The following SRGAP3 variants were observed in gnomAD, a reference collection of about 807,000 sequenced individuals.
The protein encoded by SRGAP3 is SLIT-ROBO Rho GTPase-activating protein 3.
SRGAP3 carries 39 observed loss-of-function variants against 121.1 expected under a neutral mutation model. The observed-to-expected ratio is 0.32, with a 90% confidence interval of 0.25 to 0.42. SRGAP3 has a LOEUF of 0.42. Ranked by LOEUF, SRGAP3 falls within the 10% of genes least tolerant of loss-of-function variation. SRGAP3 has a pLI of 1.00. For synonymous variants in SRGAP3, 601 were observed against 570.0 expected (o/e 1.05, Z -0.77); for missense variants, 1,213 against 1,470.6 (o/e 0.82, Z 2.86).
intron 1 of SRGAP3, among the ~76,000 whole-genome samples, chr3:9,146,036 C>T (rs985880160): frequency 6.6e-6 from 1 of 152,196 alleles, no homozygotes; most frequent in African/African-American, 2.4e-5. Context: ...GGGCTTAGGC[C>T]TTACCCCACA....
chr3:9,124,337 T>C (rs1949137005), intron 2 of SRGAP3, among the ~76,000 whole-genome samples: 2 of 152,082 alleles, frequency 1.3e-5, no homozygotes, highest in South Asian at 4.2e-4. Context: ...GACACCCAAA[T>C]AAAGGACAAC....
At chr3:9,041,056 A>G (rs565754099) in intron 10 of SRGAP3, among the ~76,000 whole-genome samples, 2 of 152,384 alleles carry the variant, frequency 1.3e-5, no homozygotes, top group Admixed American at 6.5e-5. Context: ...CTCTATCTGC[A>G]AGAAGCTTAG....
intron 2 of SRGAP3, among the ~76,000 whole-genome samples, chr3:9,105,924 C>A (rs1256875090): frequency 6.6e-6 from 1 of 152,152 alleles, no homozygotes; most frequent in East Asian, 1.9e-4. Flanking sequence ...TACGGATGGG[C>A]AAAATCATTG....
intron 1 of SRGAP3, among the ~76,000 whole-genome samples, chr3:9,359,481 T>C (rs548759353): frequency 1.8e-4 from 28 of 152,334 alleles, no homozygotes; most frequent in South Asian, 1.7e-3. Flanking sequence ...ATGCTCATGA[T>C]TGAGGCATGG....
At chr3:9,348,561 G>T (rs1955948908) in intron 1 of SRGAP3, 1 of 794,758 alleles carries the variant, frequency 1.3e-6, no homozygotes, top group Non-Finnish European at 2.2e-6. Flanking sequence ...GAGGCGAAGT[G>T]TGGCAGGCAG....
chr3:9,281,803 G>T (rs2125265628), intron 3 of SRGAP3, among the ~76,000 whole-genome samples: 1 of 152,212 alleles, frequency 6.6e-6, no homozygotes, highest in South Asian at 2.1e-4. Context: ...CTCCCAAGTA[G>T]TTGGGACTAC....
intron 2 of SRGAP3, among the ~76,000 whole-genome samples, chr3:9,118,781 G>A (rs2543491): frequency 0.52 from 78,634 of 151,100 alleles, 21,108 homozygotes; most frequent in Non-Finnish European, 0.6. Flanking sequence ...TGCCAATGCC[G>A]CTGCTCCCAT....
intron 3 of SRGAP3, among the ~76,000 whole-genome samples, chr3:9,308,416 T>C (rs1163130621): frequency 6.6e-6 from 1 of 152,102 alleles, no homozygotes; most frequent in Non-Finnish European, 1.5e-5. Flanking sequence ...CTGAAATGAC[T>C]CCCAAGGCCA....
intron 1 of SRGAP3, among the ~76,000 whole-genome samples, chr3:9,242,392 T>C (rs1340981451): frequency 1.3e-5 from 2 of 152,216 alleles, no homozygotes; most frequent in Non-Finnish European, 2.9e-5. Context: ...CCCAGCATTT[T>C]GGGAGGCCGA....
chr3:9,154,772 G>A (rs979102312), intron 1 of SRGAP3, among the ~76,000 whole-genome samples: 14 of 151,866 alleles, frequency 9.2e-5, no homozygotes, highest in Admixed American at 7.2e-4. Flanking sequence ...TGGCTTTCTG[G>A]ATTATCTTGA....
chr3:9,055,960 C>T (rs1010036271), intron 8 of SRGAP3, among the ~76,000 whole-genome samples: 2 of 152,236 alleles, frequency 1.3e-5, no homozygotes, highest in Middle Eastern at 3.4e-3. Context: ...AGTGCAGTGG[C>T]GTGATCTCAG....
At chr3:8,988,016 A>T (rs567125948) in intron 21 of SRGAP3, among the ~76,000 whole-genome samples, 1 of 150,198 alleles carries the variant, frequency 6.7e-6, no homozygotes, top group South Asian at 2.2e-4. Flanking sequence ...CACCATCCCC[A>T]CCCGCCCCAC....
chr3:9,182,653 T>C (rs1339659130), intron 1 of SRGAP3, among the ~76,000 whole-genome samples: 1 of 152,100 alleles, frequency 6.6e-6, no homozygotes, highest in African/African-American at 2.4e-5. Flanking sequence ...TTAATTTTTA[T>C]TTATTTGTTT....
chr3:9,102,711 A>G (rs1159295433), intron 3 of SRGAP3, among the ~76,000 whole-genome samples: 2 of 152,270 alleles, frequency 1.3e-5, no homozygotes, highest in Non-Finnish European at 2.9e-5. Flanking sequence ...GTAACAAGGC[A>G]GCCAGGAGCT....
At chr3:9,136,267 G>A (rs1949644471) in intron 1 of SRGAP3, among the ~76,000 whole-genome samples, 1 of 152,176 alleles carries the variant, frequency 6.6e-6, no homozygotes, top group South Asian at 2.1e-4. Flanking sequence ...CCTGTACACC[G>A]AGAGGCGGCT....
At chr3:9,010,536 T>A in intron 17 of SRGAP3, 149 bp from the exon 18 acceptor site, 1 of 821,422 alleles carries the variant, frequency 1.2e-6, no homozygotes, top group Non-Finnish European at 2.0e-6. Context: ...ATGTGACCAC[T>A]CCGGGGACCT....
chr3:9,207,071 G>T lies in SRGAP3; in HGVS notation c.67+41814C>A, dbSNP rs1237382439. 3.3e-5 allele frequency among the ~76,000 whole-genome samples: 5 copies of T among 152,116 alleles called. No individual in the cohort carries two copies. The East Asian group carries it at 9.6e-4, about 29-fold the overall frequency. On this transcript the variant is annotated intron_variant, in intron 1 of 21. Transcript: ENST00000383836. ...CCATCAAGGCTCAGGGATGGAGGGG[G>T]TTCCTAGGATATAAGGTTTTCAGTG...
chr3:9,050,263 C>T (rs1223950674), intron 9 of SRGAP3, among the ~76,000 whole-genome samples: 4 of 152,186 alleles, frequency 2.6e-5, no homozygotes, highest in Admixed American at 1.3e-4. Flanking sequence ...TATCTCCTGT[C>T]CAAGAATTCC....
chr3:8,994,046 G>A (rs781750815), intron 19 of SRGAP3: 78 of 455,376 alleles, frequency 1.7e-4, no homozygotes, highest in Non-Finnish European at 2.8e-4. Flanking sequence ...AGGATCCCCT[G>A]GATACTGAGA....
Sources: gnomAD v4.1 joint callset for allele counts (sites outside exome capture counted in the v4.1 genomes callset) on GRCh38, gnomAD v4.1.1 for gene constraint, MANE v1.5 for transcripts, NCBI Gene and HGNC (gene_info 2026-07-23, HGNC 2026-07-21) for gene names.